The following LILRB1 variants were observed in gnomAD, a reference collection of about 807,000 sequenced individuals.
LILRB1 encodes leukocyte immunoglobulin-like receptor subfamily B member 1.
In LILRB1, 59 loss-of-function variants were observed where a neutral mutation model predicts 74.6. The ratio of observed to expected loss-of-function variants is 0.79; its 90% CI spans 0.64 to 0.98. The LOEUF (loss-of-function observed/expected upper bound fraction) is 0.98, where lower values mean the gene tolerates loss of function less well. LILRB1 is among the 50% of genes least tolerant of loss of function. LILRB1 has a pLI of 0.00. For missense variants in LILRB1, 804 were observed against 822.6 expected, an observed-to-expected ratio of 0.98 and a Z score of 0.28; for synonymous variants, 328 against 333.9, an observed-to-expected ratio of 0.98 and a Z score of 0.19.
chr19:54,634,187 G>A, intron 9 of LILRB1, 166 bp downstream of exon 9: 2 of 1,504,074 alleles, frequency 1.3e-6, no homozygotes, highest in Non-Finnish European at 8.9e-7. Flanking sequence ...GGGTGGGAAA[G>A]TTCCTTTCAG....
rs1262619703 is a variant in LILRB1, at chr19:54,637,104, CAG to C, written c.*228_*229del. 1.8e-6 allele frequency: 1 copy of C among 556,132 alleles called. No homozygotes were observed. The highest frequency in any genetic ancestry group is 3.2e-5 in the Admixed American group (1 of 31,566). 34.4% of individuals were successfully genotyped at this position (556,132 alleles called of 1,614,324 possible). ...AATGAAGTAGCTGAGAAAACTAAGT[CAG>C]AAAGTGCATTAAACTGAATCACAAT... is the stretch of plus-strand genomic sequence containing the variant. On this transcript the variant is annotated 3_prime_UTR_variant, in exon 15 of 15. Coordinates refer to ENST00000324602, the MANE Select transcript of LILRB1 (RefSeq NM_001081637.3).
At chr19:54,617,920 G>A (rs2063351602) in intron 1 of LILRB1, among the ~76,000 whole-genome samples, 1 of 151,672 alleles carries the variant, frequency 6.6e-6, no homozygotes, top group South Asian at 2.1e-4. Context: ...TGGCCAACAT[G>A]GTGAATCCCT....
chr19:54,633,042 T>G lies in LILRB1; in HGVS notation c.985T>G (p.Ser329Ala), dbSNP rs761425151. ...AGQFYDRVSLSVQPGPTVASG... is the reference protein window; with the variant it reads ...AGQFYDRVSLAVQPGPTVASG... ...ACAGTTCTATGACAGAGTCTCCCTC[T>G]CGGTGCAGCCGGGCCCCACGGTGGC... Residue 329 changes from serine (S) to alanine (A), a missense_variant, in exon 7 of 15, where the codon TCG (serine) becomes GCG (alanine). Physicochemically the swap from Ser to Ala is moderately conservative, Grantham distance 99. Coordinates refer to ENST00000324602, the MANE Select transcript of LILRB1 (RefSeq NM_001081637.3). 1 of 1,614,100 alleles carries G rather than the reference T, an allele frequency of 6.2e-7. No individual in the cohort carries two copies. The highest frequency in any genetic ancestry group is 1.1e-5 in the South Asian group (1 of 91,074).
upstream of LILRB1, among the ~76,000 whole-genome samples, chr19:54,629,021 C>G (rs1331543809): frequency 5.3e-5 from 8 of 152,202 alleles, no homozygotes; most frequent in African/African-American, 1.9e-4. Context: ...GCTTGCCATG[C>G]CATGCACTCC....
intron 13 of LILRB1, 187 bp from the exon 14 acceptor site, chr19:54,636,307 A>G: frequency 1.6e-6 from 2 of 1,218,404 alleles, no homozygotes; most frequent in Non-Finnish European, 2.3e-6. Context: ...CAAATGGGCA[A>G]CGTCAGAGTG....
chr19:54,631,162 G>C (rs2063803033), intron 2 of LILRB1, 55 bp downstream of exon 2: 1 of 1,613,760 alleles, frequency 6.2e-7, no homozygotes, highest in Non-Finnish European at 8.5e-7. Flanking sequence ...TCACCCCACA[G>C]CCAAACTCTT....
At chr19:54,626,670 T>G (rs573403247), upstream of LILRB1, among the ~76,000 whole-genome samples, 48 of 152,348 alleles carry the variant, frequency 3.2e-4, 1 homozygote, top group South Asian at 9.7e-3. Context: ...CACAGTAGCT[T>G]CCTAATTCAT....
chr19:54,635,398 AG>A (rs2064307763), intron 12 of LILRB1, 102 bp downstream of exon 12: 10 of 1,546,954 alleles, frequency 6.5e-6, no homozygotes, highest in Non-Finnish European at 8.8e-6. Flanking sequence ...TCTGGGGCTC[AG>A]GGTGAGATCA....
rs2146310055 is a variant in LILRB1 at position 54,636,999 on chromosome 19, T to C, written c.*121T>C. The C allele has an allele frequency of 8.0e-7, 1 of 1,254,442 alleles. No individual in the cohort carries two copies. Among genetic ancestry groups the C allele is most frequent in the African/African-American group, 1.5e-5 (1 of 66,470 alleles). The allele number at this position is 1,254,442 out of a possible 1,614,324, so 77.7% of individuals were successfully genotyped here. ...CTACCCCAGGAGACTCTGGGAACTTTTAGGGGTCACTCAATTCTGCAGTAT... is the reference window on the plus strand; with the variant it reads ...CTACCCCAGGAGACTCTGGGAACTTCTAGGGGTCACTCAATTCTGCAGTAT... On this transcript the variant is annotated 3_prime_UTR_variant, in exon 15 of 15. Coordinates refer to ENST00000324602, the MANE Select transcript of LILRB1 (RefSeq NM_001081637.3).
At chr19:54,629,532 GT>G (rs2063699303), upstream of LILRB1, among the ~76,000 whole-genome samples, 3 of 152,200 alleles carry the variant, frequency 2.0e-5, no homozygotes, top group African/African-American at 7.2e-5. Context: ...ACACCCTGGT[GT>G]TTAGTGCTTC....
At chr19:54,636,079 G>T (rs747192803) in intron 13 of LILRB1, 111 of 549,448 alleles carry the variant, frequency 2.0e-4, no homozygotes, top group Non-Finnish European at 2.6e-4. Context: ...GCAACGTGCT[G>T]TAAGGAACAT....
chr19:54,617,586 T>TG (rs1159535393), intron 1 of LILRB1, among the ~76,000 whole-genome samples: 44 of 141,122 alleles, frequency 3.1e-4, no homozygotes, highest in South Asian at 7.0e-4. Flanking sequence ...TGTGTGTGTG[T>TG]GTGGTGTGTG....
chr19:54,634,459 C>G (rs1426814348), intron 9 of LILRB1, 182 bp from the exon 10 acceptor site: 12 of 1,510,408 alleles, frequency 7.9e-6, no homozygotes, highest in Non-Finnish European at 1.1e-5. Context: ...GGGCCCCGGG[C>G]AGGCGATTCC....
chr19:54,636,001 G>A (rs1305774621), intron 13 of LILRB1: 3 of 552,618 alleles, frequency 5.4e-6, no homozygotes, highest in East Asian at 4.4e-5. Context: ...GAGGAAAGCC[G>A]CCCCCGCCTC....
At chr19:54,629,126 A>G (rs559510937), upstream of LILRB1, among the ~76,000 whole-genome samples, 6 of 152,276 alleles carry the variant, frequency 3.9e-5, no homozygotes, top group African/African-American at 1.4e-4. Context: ...TCTTATATGC[A>G]CACTTTTTTC....
rs1490301166 is a variant in LILRB1, at chr19:54,631,311, G to C, written c.70+5G>C. The C allele has an allele frequency of 2.5e-6, 4 of 1,613,270 alleles. No individual in the cohort carries two copies. The highest frequency in any genetic ancestry group is 3.4e-6 in the Non-Finnish European group (4 of 1,179,922). ...CCCGGACCCACGTGCAGGCAGGTGA[G>C]TCTGTCCCCAGCTCTTCCAGGTCCC... On this transcript the variant is annotated splice_donor_5th_base_variant and intron_variant, in intron 3 of 14. Coordinates refer to ENST00000324602, the MANE Select transcript of LILRB1 (RefSeq NM_001081637.3).
intron 1 of LILRB1, among the ~76,000 whole-genome samples, chr19:54,619,866 A>T (rs971772185): frequency 1.3e-5 from 2 of 151,868 alleles, no homozygotes; most frequent in East Asian, 3.9e-4. Context: ...CTTTGAATTC[A>T]CCTGATTTTA....
At chr19:54,628,473 C>T (rs564316830), upstream of LILRB1, among the ~76,000 whole-genome samples, 1 of 152,280 alleles carries the variant, frequency 6.6e-6, no homozygotes, top group East Asian at 1.9e-4. Flanking sequence ...GACTGACTGG[C>T]TTCAAGTTGG....
chr19:54,618,902 AG>A (rs2063383058), intron 1 of LILRB1, among the ~76,000 whole-genome samples: 1 of 152,232 alleles, frequency 6.6e-6, no homozygotes. Flanking sequence ...AAGTTTATCA[AG>A]TAAATGCAAT....
Sources: gnomAD v4.1 joint callset for allele counts (sites outside exome capture counted in the v4.1 genomes callset) on GRCh38, gnomAD v4.1.1 for gene constraint, MANE v1.5 for transcripts, NCBI Gene and HGNC (gene_info 2026-07-23, HGNC 2026-07-21) for gene names.